MCTP1: variants seen among roughly 807,000 people sequenced by gnomAD.
MCTP1 encodes the protein multiple C2 and transmembrane domain containing 1, also known as multiple C2 and transmembrane domain-containing protein 1.
A neutral mutation model predicts 120.6 loss-of-function variants in MCTP1; 69 were observed. That is an observed-to-expected ratio of 0.57 (90% CI 0.47 to 0.70). The LOEUF is 0.70. Among genes scored for constraint, MCTP1 ranks in the 30% least tolerant of loss-of-function variants. The pLI, the probability that MCTP1 is intolerant of heterozygous loss-of-function variation, is 0.00. For missense variants in MCTP1, 1,203 were observed against 1,248.8 expected (o/e 0.96, Z 0.55); for synonymous variants, 529 against 493.1 (o/e 1.07, Z -0.96).
At chr5:94,987,634 A>G (rs909485035) in intron 2 of MCTP1, among the ~76,000 whole-genome samples, 2 of 152,206 alleles carry the variant, frequency 1.3e-5, no homozygotes, top group African/African-American at 4.8e-5. Context: ...ACCATTAAGG[A>G]TGGAGTAATG....
chr5:95,156,732 A>G (rs1349730776), intron 1 of MCTP1, among the ~76,000 whole-genome samples: 1 of 152,232 alleles, frequency 6.6e-6, no homozygotes, highest in Non-Finnish European at 1.5e-5. Flanking sequence ...ATTTATTGTA[A>G]GTGTTTTTGG....
At chr5:94,958,390 C>T (rs1823226265) in intron 2 of MCTP1, among the ~76,000 whole-genome samples, 1 of 151,936 alleles carries the variant, frequency 6.6e-6, no homozygotes, top group South Asian at 2.1e-4. Flanking sequence ...AATTCAAAAG[C>T]TAGCAGAAGA....
Position 94,894,681 on chromosome 5 carries a change from G to T in MCTP1, c.1807C>A (p.Gln603Lys). ...TTTAATATCTCCTCTCGTTCCTTCT[G>T]GTCCTCCAGGGAGTTGACAGACAGG... is the stretch of plus-strand genomic sequence containing the variant. The part of the protein sequence containing the change: ...SDLSVNSLED[Q>K]KEREEILKRY... The change falls in exon 11 of 23, where the codon CAG becomes AAG. Residue 603 changes from glutamine (Q) to lysine (K), a missense_variant. This residue lies in a region of MCTP1 where 740 missense variants were observed against 871.1 expected (regional missense o/e 0.85). Transcript: ENST00000515393. The T allele has an allele frequency of 5.0e-6, 8 of 1,611,340 alleles. No homozygotes were observed. Among genetic ancestry groups the T allele is most frequent in the Non-Finnish European group, 6.8e-6 (8 of 1,177,900 alleles).
chr5:94,949,458 T>C (rs1819932488), intron 3 of MCTP1, among the ~76,000 whole-genome samples: 1 of 152,144 alleles, frequency 6.6e-6, no homozygotes, highest in African/African-American at 2.4e-5. Context: ...GCACAGAAAA[T>C]GCTCTTTTCA....
At chr5:94,917,820 A>G (rs532963048) in intron 8 of MCTP1, 76 bp downstream of exon 8, 283 of 1,143,752 alleles carry the variant, frequency 2.5e-4, no homozygotes, top group Non-Finnish European at 3.3e-4. Context: ...GGTTTTCAGT[A>G]CAGTAAGTTG....
chr5:95,127,879 T>G (rs1758748807), intron 1 of MCTP1, among the ~76,000 whole-genome samples: 1 of 152,106 alleles, frequency 6.6e-6, no homozygotes, highest in Non-Finnish European at 1.5e-5. Context: ...AGCCATAAAG[T>G]GCTGGTGCAA....
chr5:94,772,813 C>T (rs1027007648), intron 19 of MCTP1, among the ~76,000 whole-genome samples: 7 of 151,926 alleles, frequency 4.6e-5, no homozygotes, highest in Non-Finnish European at 7.4e-5. Context: ...ATACCCCTTC[C>T]CCCGGAAAAC....
chr5:94,952,876 A>C lies in MCTP1; in HGVS notation c.981+343T>G, dbSNP rs568315612. 4.6e-5 allele frequency among the ~76,000 whole-genome samples: 7 copies of C among 152,274 alleles called. No individual in the cohort carries two copies. The South Asian group carries it at 1.5e-3, about 32-fold the overall frequency. ...CTTAACTAATACAATTTTTAAACAGAAAGACTGGGTTCTGTGTAAGTTCTC... is the reference window on the plus strand; with the variant it reads ...CTTAACTAATACAATTTTTAAACAGCAAGACTGGGTTCTGTGTAAGTTCTC... On this transcript the variant is annotated intron_variant, in intron 3 of 22. Transcript: ENST00000515393.
chr5:94,963,092 A>C (rs926045059), intron 2 of MCTP1, among the ~76,000 whole-genome samples: 3 of 152,066 alleles, frequency 2.0e-5, no homozygotes. Flanking sequence ...TTGTGACTCA[A>C]ACATCTTCTA....
chr5:95,237,982 G>A (rs1057346873), intron 1 of MCTP1, among the ~76,000 whole-genome samples: 1 of 152,082 alleles, frequency 6.6e-6, no homozygotes, highest in Non-Finnish European at 1.5e-5. Context: ...ATATGGATCT[G>A]AATATTCACA....
At chr5:95,224,781 G>A (rs1019143171) in intron 1 of MCTP1, among the ~76,000 whole-genome samples, 4 of 152,092 alleles carry the variant, frequency 2.6e-5, no homozygotes, top group African/African-American at 9.7e-5. Context: ...AAGTGCTGGG[G>A]ATTACAAGCA....
intron 17 of MCTP1, among the ~76,000 whole-genome samples, chr5:94,828,724 C>T (rs1787810356): frequency 6.6e-6 from 1 of 152,188 alleles, no homozygotes; most frequent in South Asian, 2.1e-4. Flanking sequence ...TCTGCCCATT[C>T]CGAACTTCCT....
intron 1 of MCTP1, among the ~76,000 whole-genome samples, chr5:95,158,466 T>C (rs756397464): frequency 6.6e-6 from 1 of 152,180 alleles, no homozygotes; most frequent in African/African-American, 2.4e-5. Context: ...AGGATATGTA[T>C]AGCAATAAAT....
chr5:95,258,262 C>T (rs952001545), intron 1 of MCTP1, among the ~76,000 whole-genome samples: 5 of 152,122 alleles, frequency 3.3e-5, no homozygotes, highest in Non-Finnish European at 7.3e-5. Context: ...GTTGATAGTA[C>T]GTACCCTCAA....
intron 19 of MCTP1, among the ~76,000 whole-genome samples, chr5:94,716,558 C>A (rs1389751002): frequency 1.3e-5 from 2 of 152,120 alleles, no homozygotes; most frequent in Non-Finnish European, 2.9e-5. Flanking sequence ...TCATTTATGT[C>A]TATGAAGCAA....
At chr5:95,058,851 T>C (rs1748153892) in intron 1 of MCTP1, among the ~76,000 whole-genome samples, 1 of 152,074 alleles carries the variant, frequency 6.6e-6, no homozygotes. Flanking sequence ...GGTTTGACAT[T>C]CTCTTTTTAA....
At chr5:94,886,848 A>G (rs1440308923) in intron 12 of MCTP1, among the ~76,000 whole-genome samples, 42 of 152,212 alleles carry the variant, frequency 2.8e-4, no homozygotes, top group Non-Finnish European at 5.9e-5. Flanking sequence ...GACAAAGACA[A>G]GGAAGCATCA....
At chr5:94,955,358 G>A (rs1221488575) in intron 2 of MCTP1, among the ~76,000 whole-genome samples, 1 of 152,212 alleles carries the variant, frequency 6.6e-6, no homozygotes, top group Non-Finnish European at 1.5e-5. Flanking sequence ...CAGACACTGA[G>A]CTAGCTGTAG....
intron 21 of MCTP1, chr5:94,709,690 A>G (rs1009271419): frequency 6.6e-6 from 1 of 152,156 alleles, no homozygotes; most frequent in Non-Finnish European, 1.5e-5. Flanking sequence ...TTCTTCCCTT[A>G]TATAATGAAA....
Sources: allele counts gnomAD v4.1 joint callset (sites outside exome capture counted in the v4.1 genomes callset), GRCh38; gene constraint gnomAD v4.1.1; regional missense constraint gnomAD v4.1.1; transcripts MANE v1.5; gene names NCBI Gene and HGNC (gene_info 2026-07-23, HGNC 2026-07-21).